The following ANXA4 variants were observed in gnomAD, a reference collection of about 807,000 sequenced individuals.
ANXA4 encodes 35-beta calcimedin.
Under a neutral mutation model 49.8 loss-of-function variants are expected in ANXA4, and 39 were observed. That is an observed-to-expected ratio of 0.78 (90% CI 0.61 to 1.02). The LOEUF is 1.02. Among genes scored for constraint, ANXA4 ranks in the 50% least tolerant of loss-of-function variants. The probability of loss-of-function intolerance (pLI) is 0.00; values close to 1 mark genes in which losing one functional copy is unlikely to be tolerated. For synonymous variants in ANXA4, 134 were observed against 152.5 expected (o/e 0.88, Z 0.89); for missense variants, 360 against 410.1 (o/e 0.88, Z 1.05).
chr2:69,728,736 A>T (rs1173831480), intron 3 of ANXA4, among the ~76,000 whole-genome samples: 1 of 152,190 alleles, frequency 6.6e-6, no homozygotes, highest in Non-Finnish European at 1.5e-5. Flanking sequence ...CTCTATCTGT[A>T]TATGAATACC....
chr2:69,815,425 T>G (rs1673947217), intron 8 of ANXA4: 1 of 152,206 alleles, frequency 6.6e-6, no homozygotes, highest in African/African-American at 2.4e-5. Context: ...GTTAAGATCT[T>G]TTTGAGAAAT....
At chr2:69,668,914 C>T (rs1429276716) in intron 2 of ANXA4, among the ~76,000 whole-genome samples, 3 of 150,280 alleles carry the variant, frequency 2.0e-5, no homozygotes, top group Non-Finnish European at 4.4e-5. Context: ...TAAACATATA[C>T]TTTATTTCCA....
chr2:69,663,012 A>C (rs1173968375), intron 2 of ANXA4, among the ~76,000 whole-genome samples: 1 of 65,600 alleles, frequency 1.5e-5, no homozygotes, highest in Admixed American at 2.7e-4. Context: ...TTTTTTTTTG[A>C]GATGGAGTCT....
intron 2 of ANXA4, among the ~76,000 whole-genome samples, chr2:69,670,438 CAAAAAAAAAA>C (rs748196181): frequency 3.6e-4 from 16 of 44,798 alleles, no homozygotes; most frequent in African/African-American, 1.3e-3. Flanking sequence ...GACTCAATCT[CAAAAAAAAAA>C]AAAAAAAAAA....
chr2:69,710,453 T>C (rs1678641363), intron 2 of ANXA4, among the ~76,000 whole-genome samples: 1 of 152,250 alleles, frequency 6.6e-6, no homozygotes. Context: ...TATTAGATTG[T>C]AACTTGTTTC....
intron 5 of ANXA4, among the ~76,000 whole-genome samples, chr2:69,807,044 G>A (rs1272560721): frequency 1.3e-5 from 2 of 152,200 alleles, no homozygotes; most frequent in Non-Finnish European, 2.9e-5. Flanking sequence ...AAGGCCTTCT[G>A]AGAGTAGCAG....
Position 69,787,894 on chromosome 2 carries a change from C to T in ANXA4, c.10-160C>T, listed in dbSNP as rs75210064. On this transcript the variant is annotated intron_variant, in intron 2 of 12. Coordinates refer to ENST00000394295, the MANE Select transcript of ANXA4 (RefSeq NM_001153.5). Reference sequence around the variant, plus strand: ...CTCCCATGAGCTAGAGCATCAGTCCCGGGGAGCAAGAGCTTAATTTTTCAT... The same window carrying T: ...CTCCCATGAGCTAGAGCATCAGTCCTGGGGAGCAAGAGCTTAATTTTTCAT... Among the ~76,000 whole-genome samples the T allele has an allele frequency of 3.3e-3, 495 of 152,284 alleles. 4 individuals are homozygous for T. The highest frequency in any genetic ancestry group is 0.011 in the African/African-American group (471 of 41,552).
At chr2:69,738,513 T>C (rs1670300803), upstream of ANXA4, among the ~76,000 whole-genome samples, 1 of 146,460 alleles carries the variant, frequency 6.8e-6, no homozygotes, top group Non-Finnish European at 1.5e-5. Context: ...CTTTGCACCC[T>C]CCCACCCCTC....
At chr2:69,723,967 A>C (rs1669890249) in intron 3 of ANXA4, among the ~76,000 whole-genome samples, 1 of 152,204 alleles carries the variant, frequency 6.6e-6, no homozygotes, top group Admixed American at 6.5e-5. Flanking sequence ...TGAACTGTTG[A>C]AATGGGGCCG....
chr2:69,743,734 A>G lies in ANXA4; in HGVS notation c.-47+1559A>G, dbSNP rs750178255. Among the ~76,000 whole-genome samples, 7 of 152,126 alleles carry G rather than the reference A, an allele frequency of 4.6e-5. No homozygotes were observed. In the South Asian group the frequency reaches 6.2e-4, roughly 14 times the overall value. On this transcript the variant is annotated intron_variant, in intron 1 of 12. Transcript: ENST00000394295. ...CACAAGTACACCCCTGCCCCCACCC[A>G]CACATAGACAGGCACAGACACACAA...
At chr2:69,750,386 G>A (rs1048304584) in intron 1 of ANXA4, among the ~76,000 whole-genome samples, 1 of 152,114 alleles carries the variant, frequency 6.6e-6, no homozygotes. Context: ...TAGTTGGATG[G>A]TGGAGAAAGT....
In ANXA4 at chr2:69,812,798, A is replaced by G. The variant is rs967613474; in HGVS notation, c.534+89A>G. 9 of 1,094,816 alleles carry G rather than the reference A, an allele frequency of 8.2e-6. 1 individual carries two copies. The South Asian group carries it at 1.0e-4, about 13-fold the overall frequency. 67.8% of individuals were successfully genotyped at this position (1,094,816 alleles called of 1,614,324 possible). On this transcript the variant is annotated intron_variant, in intron 8 of 12. Transcript: ENST00000394295. ...GTGGGTGGATAGCAACTTATATTAC[A>G]GTGTATATTAGCCAGGCTTGGATAT... is the stretch of plus-strand genomic sequence containing the variant.
chr2:69,801,695 C>T (rs1427297375), intron 3 of ANXA4, among the ~76,000 whole-genome samples: 3 of 152,142 alleles, frequency 2.0e-5, no homozygotes, highest in Admixed American at 1.3e-4. Context: ...TGAGCTACCA[C>T]ACCCGACCTG....
intron 2 of ANXA4, among the ~76,000 whole-genome samples, chr2:69,669,560 G>GAGATCGCGCCACTGCC: frequency 6.6e-6 from 1 of 151,536 alleles, no homozygotes; most frequent in South Asian, 2.1e-4. Context: ...GCAATGAGCC[G>GAGATCGCGCCACTGCC]AGATCGCGCC....
At chr2:69,737,892 T>C (rs1670283893), upstream of ANXA4, among the ~76,000 whole-genome samples, 1 of 152,194 alleles carries the variant, frequency 6.6e-6, no homozygotes, top group Non-Finnish European at 1.5e-5. Flanking sequence ...GTTTTTAATG[T>C]CAGATCCTTC....
chr2:69,724,120 C>CA (rs1559113001), intron 3 of ANXA4, among the ~76,000 whole-genome samples: 1 of 151,296 alleles, frequency 6.6e-6, no homozygotes, highest in Non-Finnish European at 1.5e-5. Context: ...AACTCCATCT[C>CA]AAAAAAAGAA....
chr2:69,788,039 C>A lies in ANXA4; in HGVS notation c.10-15C>A. On this transcript the variant is annotated splice_polypyrimidine_tract_variant and intron_variant, in intron 2 of 12. Coordinates refer to ENST00000394295, the MANE Select transcript of ANXA4 (RefSeq NM_001153.5). ...GAGGCTGCCTCTCAGTAACATCACT[C>A]TCTTGTGTGCTCAGGCAACCAAAGG... 6.2e-7 allele frequency: 1 copy of A among 1,611,176 alleles called. No individual in the cohort carries two copies. Among genetic ancestry groups the A allele is most frequent in the South Asian group, 1.1e-5 (1 of 91,012 alleles).
At position 69,812,691 on chromosome 2, in the gene ANXA4, C is replaced by T. The variant is rs141776547; in HGVS notation, c.516C>T (p.Leu172=). 291 of 1,613,988 alleles carry T rather than the reference C, an allele frequency of 1.8e-4. 1 individual carries two copies. The highest frequency in any genetic ancestry group is 2.8e-4 in the Admixed American group (17 of 60,006). ...RDEGNYLDDA[L]VRQDAQDLYE... ...AAGGAAATTATCTGGACGATGCTCTCGTGAGACAGGATGCCCAGGTTGGTA... is the reference window on the plus strand; with the variant it reads ...AAGGAAATTATCTGGACGATGCTCTTGTGAGACAGGATGCCCAGGTTGGTA... The change falls in exon 8 of 13, where the codon CTC becomes CTT. Residue 172 remains leucine (L), a synonymous_variant. Coordinates refer to ENST00000394295, the MANE Select transcript of ANXA4 (RefSeq NM_001153.5).
chr2:69,727,771 T>C (rs1669999043), intron 3 of ANXA4, among the ~76,000 whole-genome samples: 1 of 152,208 alleles, frequency 6.6e-6, no homozygotes, highest in Non-Finnish European at 1.5e-5. Context: ...AAATTAACAT[T>C]GGTACCCATC....
Sources: allele counts gnomAD v4.1 joint callset (sites outside exome capture counted in the v4.1 genomes callset), GRCh38; gene constraint gnomAD v4.1.1; transcripts MANE v1.5; gene names NCBI Gene and HGNC (gene_info 2026-07-23, HGNC 2026-07-21).